DST: variants seen among roughly 807,000 people sequenced by gnomAD.
The protein encoded by DST is dystonin, also known as bullous pemphigoid antigen.
DST carries 253 observed loss-of-function variants against 875.2 expected under a neutral mutation model. The ratio of observed to expected loss-of-function variants is 0.29; its 90% confidence interval spans 0.26 to 0.32. The LOEUF (loss-of-function observed/expected upper bound fraction) is 0.32. Among genes scored for constraint, DST ranks in the 10% least tolerant of loss-of-function variants. The probability of loss-of-function intolerance (pLI) is 1.00; values close to 1 mark genes in which losing one functional copy is unlikely to be tolerated. For synonymous variants in DST, 3,124 were observed against 3,197.1 expected (o/e 0.98, Z 0.77); for missense variants, 8,287 against 9,111.6 (o/e 0.91, Z 3.68).
At chr6:56,489,694 T>C (rs1337005581) in intron 85 of DST, 85 bp from the exon 86 acceptor site, 30 of 1,226,344 alleles carry the variant, frequency 2.4e-5, no homozygotes, top group African/African-American at 3.1e-5. Context: ...CAGAGATTAA[T>C]AGTGATGAAA....
At chr6:56,878,354 C>T (rs1316829246) in intron 3 of DST, among the ~76,000 whole-genome samples, 1 of 152,142 alleles carries the variant, frequency 6.6e-6, no homozygotes. Context: ...TAGAATATGA[C>T]TCTCACCAAA....
intron 47 of DST, among the ~76,000 whole-genome samples, chr6:56,597,034 C>T (rs991756758): frequency 6.6e-6 from 1 of 152,028 alleles, no homozygotes; most frequent in Non-Finnish European, 1.5e-5. Flanking sequence ...GAGCCCAGGA[C>T]TTCGAGAGCA....
chr6:56,624,164 C>T (rs985147719), intron 36 of DST, among the ~76,000 whole-genome samples: 2 of 151,974 alleles, frequency 1.3e-5, no homozygotes, highest in Non-Finnish European at 2.9e-5. Context: ...AGACATCATA[C>T]CAGCAGTAAC....
intron 8 of DST, among the ~76,000 whole-genome samples, chr6:56,700,663 G>C (rs2099296967): frequency 6.6e-6 from 1 of 152,058 alleles, no homozygotes; most frequent in African/African-American, 2.4e-5. Context: ...ATCAAATGAT[G>C]ATCCCTAACA....
intron 21 of DST, 35 bp downstream of exon 21, chr6:56,639,415 C>A (rs372961314): frequency 6.2e-7 from 1 of 1,613,188 alleles, no homozygotes; most frequent in Middle Eastern, 1.7e-4. Context: ...ACCTAAAATG[C>A]AACCCTAGTA....
chr6:56,892,923 G>T (rs1452805599), intron 3 of DST, among the ~76,000 whole-genome samples: 1 of 152,192 alleles, frequency 6.6e-6, no homozygotes, highest in Non-Finnish European at 1.5e-5. Context: ...ACTATTTATT[G>T]TTTATTCTAT....
chr6:56,599,341 T>C (rs1433697003), intron 45 of DST, among the ~76,000 whole-genome samples: 1 of 152,122 alleles, frequency 6.6e-6, no homozygotes, highest in African/African-American at 2.4e-5. Context: ...ATATTATTTT[T>C]TCCATACTTT....
chr6:56,836,872 AAAAG>A (rs1164447703), intron 4 of DST, among the ~76,000 whole-genome samples: 2 of 147,560 alleles, frequency 1.4e-5, no homozygotes, highest in Non-Finnish European at 3.1e-5. Context: ...AAGAAAGAAA[AAAAG>A]AAAATAAACA....
Position 56,943,321 on chromosome 6 carries a change from A to G in DST, c.216+10464T>C, listed in dbSNP as rs185632108. On this transcript the variant is annotated intron_variant, in intron 2 of 103. Transcript: ENST00000680361. ...TTATTTTTAGATTACAAATTGAAAT[A>G]CAAACATTAAATATCAAACTTTGAT... Among the ~76,000 whole-genome samples, 295 of 152,296 alleles carry G rather than the reference A, an allele frequency of 1.9e-3. 1 individual carries two copies. Among genetic ancestry groups the G allele is most frequent in the African/African-American group, 5.9e-3 (245 of 41,576 alleles).
intron 93 of DST, among the ~76,000 whole-genome samples, chr6:56,473,486 C>T (rs1268756801): frequency 1.3e-5 from 2 of 152,132 alleles, no homozygotes; most frequent in Admixed American, 1.3e-4. Context: ...CACCAATGAA[C>T]AACTAAGTCA....
Position 56,851,593 on chromosome 6 carries a change from G to A in DST, c.429C>T (p.Asn143=), listed in dbSNP as rs766963921. 5 of 1,613,792 alleles carry A rather than the reference G, an allele frequency of 3.1e-6. No homozygotes were observed. Among genetic ancestry groups the A allele is most frequent in the Non-Finnish European group, 4.2e-6 (5 of 1,179,804 alleles). ...AAGACATAGAGCAGCGATAGGACGC[G>A]TTCCCGGAACTCTACAGAGAATGAC... The part of the protein sequence containing the change: ...GASIRRPSSG[N]ASYRCSMSSS... Residue 143 remains asparagine (N), a synonymous_variant, in exon 4 of 104, where the codon AAC becomes AAT. Coordinates refer to ENST00000680361, the MANE Select transcript of DST (RefSeq NM_001374736.1).
At chr6:56,535,061 A>G in intron 63 of DST, 61 bp downstream of exon 63, 5 of 1,585,810 alleles carry the variant, frequency 3.2e-6, no homozygotes, top group Non-Finnish European at 8.6e-7. Context: ...CACAATTTGC[A>G]TTTTTTCTCT....
At chr6:56,722,368 G>GTTTGTTTATTTATTTATTTATTTA (rs376637331) in intron 5 of DST, among the ~76,000 whole-genome samples, 8 of 150,596 alleles carry the variant, frequency 5.3e-5, no homozygotes, top group African/African-American at 2.0e-4. Flanking sequence ...GTACATGTTT[G>GTTTGTTTATTTATTTATTTATTTA]TTTATTTATT....
chr6:56,466,284 C>T (rs1354935894), intron 98 of DST, 89 bp from the exon 99 acceptor site: 15 of 844,462 alleles, frequency 1.8e-5, no homozygotes, highest in Admixed American at 9.6e-5. Flanking sequence ...CTAAAGCAAC[C>T]GACTTTAATT....
intron 3 of DST, among the ~76,000 whole-genome samples, chr6:56,860,881 G>C (rs1306543878): frequency 6.6e-6 from 1 of 152,202 alleles, no homozygotes; most frequent in South Asian, 2.1e-4. Flanking sequence ...CCTCCTTTGA[G>C]ATGTCCCTGT....
At chr6:56,872,830 C>CG (rs1250645436) in intron 3 of DST, among the ~76,000 whole-genome samples, 4 of 130,308 alleles carry the variant, frequency 3.1e-5, no homozygotes, top group East Asian at 4.2e-4. Flanking sequence ...ATTCCCCCCC[C>CG]CCTTTTTTTT....
chr6:56,677,809 T>G (rs932158548), intron 9 of DST, among the ~76,000 whole-genome samples: 9 of 152,192 alleles, frequency 5.9e-5, no homozygotes, highest in African/African-American at 2.2e-4. Context: ...CTGCCCATAT[T>G]TGATCTGGGC....
Position 56,527,486 on chromosome 6 carries a change from A to G in DST, c.17922+7T>C. 1.9e-6 allele frequency: 3 copies of G among 1,612,216 alleles called. No individual in the cohort carries two copies. The highest frequency in any genetic ancestry group is 2.5e-6 in the Non-Finnish European group (3 of 1,178,868). On this transcript the variant is annotated splice_region_variant and intron_variant, in intron 68 of 103. Coordinates refer to ENST00000680361, the MANE Select transcript of DST (RefSeq NM_001374736.1). ...GACTAATCCAAAATGCAGAAATCAGAGCTTACCTTTGGTCTCATTTGTGCT... is the reference window on the plus strand; with the variant it reads ...GACTAATCCAAAATGCAGAAATCAGGGCTTACCTTTGGTCTCATTTGTGCT...
intron 5 of DST, among the ~76,000 whole-genome samples, chr6:56,712,809 A>G (rs980637781): frequency 1.3e-5 from 2 of 152,210 alleles, no homozygotes; most frequent in African/African-American, 4.8e-5. Flanking sequence ...AGTTTTATTT[A>G]AATTTATATC....
Sources: allele counts gnomAD v4.1 joint callset (sites outside exome capture counted in the v4.1 genomes callset), GRCh38; gene constraint gnomAD v4.1.1; transcripts MANE v1.5; gene names NCBI Gene and HGNC (gene_info 2026-07-23, HGNC 2026-07-21).